CABLES1: variants seen among roughly 807,000 people sequenced by gnomAD.
CABLES1 encodes the protein CDK5 and ABL1 enzyme substrate 1.
A neutral mutation model predicts 57.8 loss-of-function variants in CABLES1; 36 were observed. The observed-to-expected ratio is 0.62, with a 90% CI of 0.48 to 0.82. The LOEUF is 0.82. Ranked by LOEUF, CABLES1 falls within the 40% of genes least tolerant of loss-of-function variation. The pLI is 0.00. For synonymous variants in CABLES1, 374 were observed against 363.0 expected (o/e 1.03, Z -0.35); for missense variants, 767 against 836.6 (o/e 0.92, Z 1.03).
intron 4 of CABLES1, among the ~76,000 whole-genome samples, chr18:23,216,310 G>A (rs2047441415): frequency 6.6e-6 from 1 of 152,148 alleles, no homozygotes; most frequent in Non-Finnish European, 1.5e-5. Context: ...GGCCAGAATG[G>A]GGGTTTAATC....
At chr18:23,148,996 C>A (rs1307621865) in intron 1 of CABLES1, among the ~76,000 whole-genome samples, 2 of 151,954 alleles carry the variant, frequency 1.3e-5, no homozygotes, top group African/African-American at 4.8e-5. Flanking sequence ...TTCAAGCAAT[C>A]CTCCTGCCTT....
chr18:23,177,775 A>G (rs1020699515), intron 1 of CABLES1, among the ~76,000 whole-genome samples: 3 of 151,902 alleles, frequency 2.0e-5, no homozygotes, highest in African/African-American at 7.3e-5. Flanking sequence ...TCCTCTCCCA[A>G]TTAAAACCTT....
chr18:23,142,142 G>T (rs149895018), intron 1 of CABLES1, among the ~76,000 whole-genome samples: 70 of 152,318 alleles, frequency 4.6e-4, no homozygotes, highest in Non-Finnish European at 7.8e-4. Context: ...GCCTGGGGAC[G>T]TGTGGATAAT....
chr18:23,168,790 T>C (rs1165553065), intron 1 of CABLES1, among the ~76,000 whole-genome samples: 7 of 152,166 alleles, frequency 4.6e-5, no homozygotes, highest in Admixed American at 6.5e-5. Context: ...GATGAGGCCC[T>C]GGGTGCTGGA....
At chr18:23,245,989 C>T (rs368851101) in intron 7 of CABLES1, among the ~76,000 whole-genome samples, 15 of 152,310 alleles carry the variant, frequency 9.8e-5, no homozygotes, top group South Asian at 8.3e-4. Flanking sequence ...TGGTCCCGGC[C>T]GGGCACGGTG....
intron 3 of CABLES1, among the ~76,000 whole-genome samples, chr18:23,195,602 G>A (rs985171352): frequency 6.6e-5 from 10 of 152,158 alleles, no homozygotes; most frequent in African/African-American, 2.4e-4. Context: ...TAAGGACAGG[G>A]AACATGATTT....
chr18:23,233,165 G>A (rs1432738559), intron 4 of CABLES1, among the ~76,000 whole-genome samples: 2 of 152,256 alleles, frequency 1.3e-5, no homozygotes, highest in African/African-American at 4.8e-5. Flanking sequence ...AATCGCCTGG[G>A]GAGTGTTTAA....
chr18:23,189,592 C>T (rs2047226646), intron 2 of CABLES1, among the ~76,000 whole-genome samples: 1 of 152,196 alleles, frequency 6.6e-6, no homozygotes, highest in African/African-American at 2.4e-5. Flanking sequence ...TGGGAGTGAG[C>T]CAGGAAGATG....
At chr18:23,250,053 C>G (rs936751587) in intron 7 of CABLES1, among the ~76,000 whole-genome samples, 2 of 152,146 alleles carry the variant, frequency 1.3e-5, no homozygotes, top group Admixed American at 6.5e-5. Context: ...AGCTCTCTTT[C>G]AAGGGAAGTG....
intron 8 of CABLES1, among the ~76,000 whole-genome samples, chr18:23,253,465 A>G (rs1416967801): frequency 6.6e-6 from 1 of 152,248 alleles, no homozygotes; most frequent in African/African-American, 2.4e-5. Flanking sequence ...CCTGGAAAAC[A>G]GAGTGAGACT....
intron 1 of CABLES1, among the ~76,000 whole-genome samples, chr18:23,139,356 T>C (rs535546868): frequency 6.8e-6 from 1 of 147,810 alleles, no homozygotes; most frequent in Non-Finnish European, 1.5e-5. Context: ...TGAGCCAAGA[T>C]TGTGCTATTG....
chr18:23,140,553 C>T (rs1568040079), intron 1 of CABLES1, among the ~76,000 whole-genome samples: 1 of 151,730 alleles, frequency 6.6e-6, no homozygotes, highest in Non-Finnish European at 1.5e-5. Context: ...TCTGATGTCT[C>T]AGCCTCCCGA....
intron 4 of CABLES1, among the ~76,000 whole-genome samples, chr18:23,224,561 C>CTTTTT (rs777471596): frequency 4.1e-4 from 37 of 89,664 alleles, no homozygotes; most frequent in Admixed American, 6.1e-4. Flanking sequence ...AGTCACAGAG[C>CTTTTT]TTTTTTTTTT....
chr18:23,210,577 A>C (rs1431899427), intron 3 of CABLES1, among the ~76,000 whole-genome samples: 1 of 152,082 alleles, frequency 6.6e-6, no homozygotes, highest in African/African-American at 2.4e-5. Context: ...ATTCACATGA[A>C]CCCCACAGGT....
intron 3 of CABLES1, among the ~76,000 whole-genome samples, chr18:23,210,419 G>A (rs1158719502): frequency 2.0e-5 from 3 of 152,204 alleles, no homozygotes; most frequent in Non-Finnish European, 4.4e-5. Context: ...GACATTGGAA[G>A]TGGACTGTGC....
intron 1 of CABLES1, among the ~76,000 whole-genome samples, chr18:23,148,973 T>C (rs747119251): frequency 2.4e-4 from 37 of 152,096 alleles, no homozygotes; most frequent in Non-Finnish European, 4.1e-4. Context: ...TACTGCAACC[T>C]CTGCCTCCCA....
intron 3 of CABLES1, among the ~76,000 whole-genome samples, chr18:23,202,393 G>A (rs373108864): frequency 1.2e-3 from 181 of 152,296 alleles, no homozygotes; most frequent in Middle Eastern, 0.01. Context: ...GGTGGCTGGC[G>A]GCCCAGTGCC....
chr18:23,150,207 G>GTTTT lies in CABLES1; in HGVS notation c.845+13616_845+13619dup, dbSNP rs10638130. On this transcript the variant is annotated intron_variant, in intron 1 of 9. Transcript: ENST00000256925. ...TTTAAGGTCATAGTAGTTGGTGTTT[G>GTTTT]TTTTTTTTTTTTTTTTTTTGAGACG... Among the ~76,000 whole-genome samples the GTTTT allele has an allele frequency of 3.8e-3, 408 of 106,564 alleles. 21 individuals are homozygous for GTTTT. The highest frequency in any genetic ancestry group is 8.5e-3 in the Middle Eastern group (1 of 118). The allele number at this position is 106,564 out of a possible 152,430, so 69.9% of individuals were successfully genotyped here.
At chr18:23,217,665 G>A (rs1488528792) in intron 4 of CABLES1, among the ~76,000 whole-genome samples, 1 of 152,152 alleles carries the variant, frequency 6.6e-6, no homozygotes. Context: ...AAATTAAAAT[G>A]TACTAGTAAG....
Sources: gnomAD v4.1 joint callset for allele counts (sites outside exome capture counted in the v4.1 genomes callset) on GRCh38, gnomAD v4.1.1 for gene constraint, MANE v1.5 for transcripts, NCBI Gene and HGNC (gene_info 2026-07-23, HGNC 2026-07-21) for gene names.